KLHL4: variants seen among roughly 807,000 people sequenced by gnomAD.
The protein encoded by KLHL4 is kelch like family member 4.
A neutral mutation model predicts 45.8 loss-of-function variants in KLHL4; 17 were observed. That is an observed-to-expected ratio of 0.37 (90% CI 0.25 to 0.56). The LOEUF (loss-of-function observed/expected upper bound fraction) is 0.56. Among genes scored for constraint, KLHL4 ranks in the 20% least tolerant of loss-of-function variants. The pLI, the probability that KLHL4 is intolerant of heterozygous loss-of-function variation, is 0.79. For synonymous variants in KLHL4, 224 were observed against 189.9 expected (o/e 1.18, Z -1.47); for missense variants, 544 against 544.9 (o/e 1.00, Z 0.02).
intron 1 of KLHL4, among the ~76,000 whole-genome samples, chrX:87,567,455 A>C (rs1026205662): frequency 1.8e-5 from 2 of 111,681 alleles, no homozygotes; most frequent in African/African-American, 6.5e-5. Context: ...ATGATCTAGC[A>C]ATTATAATTC....
chrX:87,592,726 C>T (rs1921712409), intron 1 of KLHL4, among the ~76,000 whole-genome samples: 1 of 112,289 alleles, frequency 8.9e-6, no homozygotes, highest in African/African-American at 3.2e-5. Flanking sequence ...TGAGAAATGT[C>T]TATTCAGTTC....
At chrX:87,524,823 T>G (rs1484044229) in intron 1 of KLHL4, among the ~76,000 whole-genome samples, 1 of 111,812 alleles carries the variant, frequency 8.9e-6, no homozygotes, top group East Asian at 2.8e-4. Flanking sequence ...GCGGGGTATG[T>G]GGGGACTCTA....
intron 1 of KLHL4, among the ~76,000 whole-genome samples, chrX:87,570,969 A>G (rs1037660331): frequency 9.0e-6 from 1 of 110,997 alleles, no homozygotes; most frequent in Non-Finnish European, 1.9e-5. Flanking sequence ...GGGATTCATT[A>G]ACAGCTTTCA....
At chrX:87,576,713 T>G (rs1165366753) in intron 1 of KLHL4, among the ~76,000 whole-genome samples, 2 of 111,736 alleles carry the variant, frequency 1.8e-5, no homozygotes, top group Non-Finnish European at 3.8e-5. Context: ...TTGTGACGGT[T>G]TTATATAACT....
intron 1 of KLHL4, among the ~76,000 whole-genome samples, chrX:87,544,108 C>T (rs751559992): frequency 1.8e-5 from 2 of 110,934 alleles, no homozygotes; most frequent in African/African-American, 6.6e-5. Context: ...AAGGTTGAGT[C>T]ACAGGCCAGG....
At chrX:87,636,628 G>T (rs1383896261) in intron 9 of KLHL4, among the ~76,000 whole-genome samples, 1 of 110,874 alleles carries the variant, frequency 9.0e-6, no homozygotes, top group Non-Finnish European at 1.9e-5. Flanking sequence ...TCTGTTGAGC[G>T]AGGGTGCAGT....
chrX:87,667,593 A>T lies in KLHL4; in HGVS notation c.*1059A>T, dbSNP rs192322421. The T allele has an allele frequency of 7.3e-5, 36 of 492,033 alleles. No homozygotes were observed. Among genetic ancestry groups the T allele is most frequent in the South Asian group, 6.4e-4 (6 of 9,363 alleles). The allele number at this position is 492,033 out of a possible 1,213,427, so 40.5% of individuals were successfully genotyped here. A position where few individuals can be genotyped will look rare whatever the true frequency, so the allele number is the denominator to read the frequency against. On this transcript the variant is annotated 3_prime_UTR_variant, in exon 11 of 11. Transcript: ENST00000373119. ...AATGTTAGGATATGTGTGCTATATA[A>T]AAAAAAAAAAAGACTTGTTAAGTTT...
intron 1 of KLHL4, among the ~76,000 whole-genome samples, chrX:87,599,578 T>C (rs1379208033): frequency 9.1e-6 from 1 of 109,603 alleles, no homozygotes; most frequent in Non-Finnish European, 1.9e-5. Context: ...ACATCTGAAG[T>C]ACACATATAA....
chrX:87,666,769 A>G lies in KLHL4; in HGVS notation c.*235A>G. On this transcript the variant is annotated 3_prime_UTR_variant, in exon 11 of 11. Coordinates refer to ENST00000373119, the MANE Select transcript of KLHL4 (RefSeq NM_019117.5). The stretch of plus-strand genomic sequence containing the variant: ...GTGCTTTCGCAGCTGATAATATAAA[A>G]GGAAATCCCACAGTCTAGATATAGC... 1.1e-6 allele frequency: 1 copy of G among 914,686 alleles called. No individual in the cohort carries two copies. Among genetic ancestry groups the G allele is most frequent in the Non-Finnish European group, 1.4e-6 (1 of 739,619 alleles). 75.4% of individuals were successfully genotyped at this position (914,686 alleles called of 1,213,427 possible).
At position 87,667,188 on chromosome X, in the gene KLHL4, G is replaced by A; in HGVS notation, c.*654G>A. 3 of 745,542 alleles carry A rather than the reference G, an allele frequency of 4.0e-6. No homozygotes were observed. The South Asian group carries it at 2.1e-4, about 51-fold the overall frequency. 61.4% of individuals were successfully genotyped at this position (745,542 alleles called of 1,213,427 possible). A position where few individuals can be genotyped will look rare whatever the true frequency, so the allele number is the denominator to read the frequency against. ...TCTGCCAGAGCACACATATAAATTT[G>A]GTATTTCTTAACATATTATCTTGTT... On this transcript the variant is annotated 3_prime_UTR_variant, in exon 11 of 11. Coordinates refer to ENST00000373119, the MANE Select transcript of KLHL4 (RefSeq NM_019117.5).
At chrX:87,587,139 A>G (rs1921502279) in intron 1 of KLHL4, among the ~76,000 whole-genome samples, 1 of 95,394 alleles carries the variant, frequency 1.0e-5, no homozygotes, top group African/African-American at 3.8e-5. Flanking sequence ...AAATCTCTCC[A>G]TAAAATAAAG....
chrX:87,525,992 T>C (rs1931102790), intron 1 of KLHL4, among the ~76,000 whole-genome samples: 1 of 111,570 alleles, frequency 9.0e-6, no homozygotes, highest in South Asian at 3.8e-4. Context: ...CCTTGCAATT[T>C]TCTCGGCACT....
chrX:87,667,854 T>A lies in KLHL4; in HGVS notation c.*1320T>A, dbSNP rs2147846781. The A allele has an allele frequency of 1.5e-6, 1 of 672,012 alleles. No individual in the cohort carries two copies. The highest frequency in any genetic ancestry group is 7.7e-5 in the South Asian group (1 of 12,929). The allele number at this position is 672,012 out of a possible 1,213,427, so 55.4% of individuals were successfully genotyped here. A position where few individuals can be genotyped will look rare whatever the true frequency, so the allele number is the denominator to read the frequency against. On this transcript the variant is annotated 3_prime_UTR_variant, in exon 11 of 11. Transcript: ENST00000373119. ...TAAAATATACTACTAGCTTTTAAGT[T>A]TTAAGAAAGAAGAACGTAAGTTGTA...
intron 1 of KLHL4, among the ~76,000 whole-genome samples, chrX:87,549,336 GCACC>G (rs1931759736): frequency 1.8e-5 from 2 of 111,058 alleles, no homozygotes; most frequent in South Asian, 7.5e-4. Context: ...AAAAACTTCA[GCACC>G]CAATGTTCAG....
intron 1 of KLHL4, among the ~76,000 whole-genome samples, chrX:87,589,024 TA>T (rs1166067383): frequency 3.6e-5 from 4 of 111,565 alleles, no homozygotes; most frequent in African/African-American, 9.8e-5. Context: ...AAACATTTGT[TA>T]AAAAAAGACA....
chrX:87,599,981 T>G (rs1921955451), intron 1 of KLHL4, among the ~76,000 whole-genome samples: 1 of 112,764 alleles, frequency 8.9e-6, no homozygotes, highest in African/African-American at 3.2e-5. Context: ...TTTCTATTTT[T>G]CAAATACGTT....
intron 9 of KLHL4, among the ~76,000 whole-genome samples, chrX:87,652,269 A>C (rs1923842520): frequency 1.8e-5 from 2 of 112,293 alleles, no homozygotes; most frequent in South Asian, 7.4e-4. Flanking sequence ...TGCCCTAGAG[A>C]CATTTTCCCT....
intron 1 of KLHL4, among the ~76,000 whole-genome samples, chrX:87,526,053 A>G (rs1301454845): frequency 8.9e-6 from 1 of 111,904 alleles, no homozygotes; most frequent in Non-Finnish European, 1.9e-5. Context: ...AGCTTACTAA[A>G]GGCAAGCTAT....
chrX:87,614,523 G>T lies in KLHL4; in HGVS notation c.680G>T (p.Gly227Val). The change falls in exon 3 of 11, where the codon GGA (glycine) becomes GTA (valine). Residue 227 changes from glycine (G) to valine (V), a missense_variant. Coordinates refer to ENST00000373119, the MANE Select transcript of KLHL4 (RefSeq NM_019117.5). ...EAKQEEVRMEGVDPNALNSLV... is the reference protein window; with the variant it reads ...EAKQEEVRMEVVDPNALNSLV... ...AAACAAGAAGAGGTCAGGATGGAAG[G>T]AGTAGATCCAAATGCACTAAATTCC... 8.3e-7 allele frequency: 1 copy of T among 1,209,028 alleles called. No individual in the cohort carries two copies.
Sources: allele counts gnomAD v4.1 joint callset (sites outside exome capture counted in the v4.1 genomes callset), GRCh38; gene constraint gnomAD v4.1.1; transcripts MANE v1.5; gene names NCBI Gene and HGNC (gene_info 2026-07-23, HGNC 2026-07-21).